Variants in DPP10 observed in about 807,000 individuals in gnomAD.
The protein encoded by DPP10 is dipeptidyl peptidase like 10, also known as inactive dipeptidyl peptidase 10.
A neutral mutation model predicts 120.9 loss-of-function variants in DPP10; 33 were observed. The observed-to-expected ratio is 0.27, with a 90% CI of 0.21 to 0.37. The LOEUF (loss-of-function observed/expected upper bound fraction) is 0.37. DPP10 is among the 10% of genes least tolerant of loss of function. The pLI, the probability that DPP10 is intolerant of heterozygous loss-of-function variation, is 1.00. For synonymous variants in DPP10, 337 were observed against 326.1 expected (o/e 1.03, Z -0.36); for missense variants, 816 against 942.8 (o/e 0.87, Z 1.76).
intron 5 of DPP10, among the ~76,000 whole-genome samples, chr2:115,645,769 G>A (rs749180091): frequency 1.5e-4 from 23 of 152,068 alleles, no homozygotes; most frequent in Non-Finnish European, 2.2e-4. Flanking sequence ...ATATTAAAAA[G>A]CAGAAATCAG....
At chr2:115,454,588 CAG>C (rs142438648) in intron 3 of DPP10, among the ~76,000 whole-genome samples, 15 of 151,786 alleles carry the variant, frequency 9.9e-5, no homozygotes, top group African/African-American at 3.6e-4. Context: ...AAATGACAAA[CAG>C]TATTTAGTTC....
intron 1 of DPP10, among the ~76,000 whole-genome samples, chr2:114,468,091 G>A (rs1448585693): frequency 6.6e-6 from 1 of 152,052 alleles, no homozygotes; most frequent in African/African-American, 2.4e-5. Context: ...TTAAATATCA[G>A]GTGCTGGTAG....
At chr2:115,574,749 C>A (rs922881014) in intron 5 of DPP10, among the ~76,000 whole-genome samples, 3 of 152,082 alleles carry the variant, frequency 2.0e-5, no homozygotes, top group African/African-American at 7.2e-5. Flanking sequence ...GACCAATGAA[C>A]GTTTGTGGAA....
intron 1 of DPP10, among the ~76,000 whole-genome samples, chr2:114,739,534 C>T (rs1048125085): frequency 6.6e-6 from 1 of 152,116 alleles, no homozygotes; most frequent in Non-Finnish European, 1.5e-5. Flanking sequence ...TGGCACGCAC[C>T]TGTAATCCCA....
At chr2:114,759,114 GTCAA>G (rs1458909405) in intron 1 of DPP10, among the ~76,000 whole-genome samples, 2 of 152,170 alleles carry the variant, frequency 1.3e-5, no homozygotes, top group African/African-American at 2.4e-5. Context: ...AAGTATTCCA[GTCAA>G]TCAAACTTTA....
rs542248010 is a variant in DPP10, at chr2:114,651,074, G to A, written c.60+208236G>A. Among the ~76,000 whole-genome samples, 6 of 152,200 alleles carry A rather than the reference G, an allele frequency of 3.9e-5. No individual in the cohort carries two copies. In the South Asian group the frequency reaches 1.2e-3, roughly 32 times the overall value. On this transcript the variant is annotated intron_variant, in intron 1 of 25. Transcript: ENST00000410059. ...TTTGGTCTATCTCCTAGTAAGCCAG[G>A]CTAGTCACCTAAATGCCCTCCTTTC...
intron 1 of DPP10, among the ~76,000 whole-genome samples, chr2:114,673,213 A>G (rs796188329): frequency 2.6e-5 from 4 of 152,224 alleles, no homozygotes; most frequent in African/African-American, 9.6e-5. Context: ...CACAAGCTTC[A>G]GTGTGTTGTT....
chr2:115,185,474 A>T (rs1356823765), intron 1 of DPP10, among the ~76,000 whole-genome samples: 3 of 152,214 alleles, frequency 2.0e-5, no homozygotes, highest in Non-Finnish European at 2.9e-5. Flanking sequence ...ACTGAAAGAT[A>T]ACTCATGGAA....
intron 3 of DPP10, among the ~76,000 whole-genome samples, chr2:115,381,132 A>G (rs763290148): frequency 6.6e-5 from 10 of 152,100 alleles, no homozygotes; most frequent in Non-Finnish European, 1.2e-4. Context: ...CTCCTGGATA[A>G]TATCCTGCAG....
intron 1 of DPP10, among the ~76,000 whole-genome samples, chr2:114,824,418 T>A (rs1489499790): frequency 6.6e-6 from 1 of 152,160 alleles, no homozygotes; most frequent in Non-Finnish European, 1.5e-5. Flanking sequence ...AAAATGACAA[T>A]GGTAATGAGG....
chr2:115,790,382 A>G (rs1184939595), intron 17 of DPP10, among the ~76,000 whole-genome samples: 1 of 152,164 alleles, frequency 6.6e-6, no homozygotes, highest in Non-Finnish European at 1.5e-5. Flanking sequence ...CCCGGCCTAG[A>G]AGGCTATTTT....
chr2:115,661,345 C>T (rs2149409148), intron 5 of DPP10, among the ~76,000 whole-genome samples: 2 of 152,322 alleles, frequency 1.3e-5, no homozygotes, highest in Admixed American at 1.3e-4. Context: ...AAGTTCTCAA[C>T]ATGGAAATCA....
chr2:115,088,134 A>C (rs949877474), intron 1 of DPP10, among the ~76,000 whole-genome samples: 1 of 152,130 alleles, frequency 6.6e-6, no homozygotes, highest in Non-Finnish European at 1.5e-5. Context: ...AGCCTCTTTT[A>C]TAAGGGCACT....
chr2:114,459,752 G>T (rs1210785998), intron 1 of DPP10, among the ~76,000 whole-genome samples: 1 of 152,052 alleles, frequency 6.6e-6, no homozygotes, highest in Non-Finnish European at 1.5e-5. Context: ...TTCAATAGTT[G>T]TTTTTTATTT....
At chr2:115,492,090 C>CAT (rs561000465) in intron 3 of DPP10, among the ~76,000 whole-genome samples, 21 of 151,724 alleles carry the variant, frequency 1.4e-4, no homozygotes, top group Middle Eastern at 3.4e-3. Flanking sequence ...TAAATAAGTA[C>CAT]ATATATATAT....
chr2:115,240,503 G>A (rs1478270960), intron 1 of DPP10, among the ~76,000 whole-genome samples: 1 of 151,934 alleles, frequency 6.6e-6, no homozygotes, highest in Non-Finnish European at 1.5e-5. Flanking sequence ...CTGGATATTA[G>A]CCTTTAGTCT....
chr2:114,967,285 G>A (rs1699101966), intron 1 of DPP10, among the ~76,000 whole-genome samples: 1 of 152,216 alleles, frequency 6.6e-6, no homozygotes, highest in Non-Finnish European at 1.5e-5. Context: ...AGAAGGCATG[G>A]ATCTGGTGTC....
chr2:114,481,034 A>G (rs59551828), intron 1 of DPP10, among the ~76,000 whole-genome samples: 1,599 of 152,166 alleles, frequency 0.011, 22 homozygotes, highest in African/African-American at 0.037. Flanking sequence ...GGGGAAAAAA[A>G]AACAGGAGAA....
chr2:114,597,579 C>T (rs1051353789), intron 1 of DPP10, among the ~76,000 whole-genome samples: 20 of 151,970 alleles, frequency 1.3e-4, no homozygotes, highest in African/African-American at 4.8e-4. Context: ...TAAAGATCTT[C>T]CATCTGTCTA....
Sources: allele counts gnomAD v4.1 joint callset (sites outside exome capture counted in the v4.1 genomes callset), GRCh38; gene constraint gnomAD v4.1.1; transcripts MANE v1.5; gene names NCBI Gene and HGNC (gene_info 2026-07-23, HGNC 2026-07-21).